Variants in GNAT1 observed in about 807,000 individuals in gnomAD.
GNAT1 encodes the protein guanine nucleotide-binding protein G(t) subunit alpha-1.
A neutral mutation model predicts 40.0 loss-of-function variants in GNAT1; 36 were observed. The observed-to-expected ratio is 0.90, with a 90% confidence interval of 0.69 to 1.19. The LOEUF is 1.19. GNAT1 is among the 50% of genes most tolerant of loss of function. GNAT1 has a pLI of 0.00. For missense variants in GNAT1, 413 were observed against 480.6 expected, an observed-to-expected ratio of 0.86 and a Z score of 1.32; for synonymous variants, 195 against 192.9, an observed-to-expected ratio of 1.01 and a Z score of -0.09.
Position 50,193,480 on chromosome 3 carries a change from A to G in GNAT1, c.292-26A>G. 6.5e-7 allele frequency: 1 copy of G among 1,543,166 alleles called. No individual in the cohort carries two copies. Among genetic ancestry groups the G allele is most frequent in the Non-Finnish European group, 8.7e-7 (1 of 1,149,672 alleles). On this transcript the variant is annotated intron_variant, in intron 3 of 8. Transcript: ENST00000232461. The surrounding 1 kb of genome is among the most constrained non-coding windows in gnomAD (Gnocchi z 8.1). ...GGCTGGGCCCGAGTCCCTGGCCGCC[A>G]CCAGCCACTCTCACCCTGCCCCCAG...
chr3:50,194,388 G>T lies in GNAT1; in HGVS notation c.709-113G>T, dbSNP rs903066143. On this transcript the variant is annotated intron_variant, in intron 6 of 8. Transcript: ENST00000232461. This position sits in a 1 kb window ranked among gnomAD's most constrained non-coding sequence, Gnocchi z 6.1. ...AGCAGGCCCATCTGGGGCAGTGCGG[G>T]GAGCCCTCTGAGAGCCAGCTGAGCG... The T allele has an allele frequency of 7.8e-6, 11 of 1,414,838 alleles. No homozygotes were observed. Among genetic ancestry groups the T allele is most frequent in the Non-Finnish European group, 8.8e-6 (9 of 1,026,108 alleles). The allele number at this position is 1,414,838 out of a possible 1,614,324, so 87.6% of individuals were successfully genotyped here.
In GNAT1 at chr3:50,193,752, G is replaced by A. The variant is rs997722318; in HGVS notation, c.450-1G>A. On this transcript the variant is annotated splice_acceptor_variant, in intron 4 of 8. Coordinates refer to ENST00000232461, the MANE Select transcript of GNAT1 (RefSeq NM_144499.3). LOFTEE classifies it high-confidence loss of function. This position sits in a 1 kb window ranked among gnomAD's most constrained non-coding sequence, Gnocchi z 8.1. Reference sequence around the variant, plus strand: ...CCCACCTACGGCCGGGTCTCGCGCAGCTACCTCTCCGACCTGGAGCGCCTG... The same window carrying A: ...CCCACCTACGGCCGGGTCTCGCGCAACTACCTCTCCGACCTGGAGCGCCTG... 6.2e-7 allele frequency: 1 copy of A among 1,609,506 alleles called. No individual in the cohort carries two copies. The highest frequency in any genetic ancestry group is 8.5e-7 in the Non-Finnish European group (1 of 1,178,588).
Position 50,191,639 on chromosome 3 carries a change from AGGGTGCCT to A in GNAT1, c.-83_-76del. 1 of 958,302 alleles carries A rather than the reference AGGGTGCCT, an allele frequency of 1.0e-6. No homozygotes were observed. The highest frequency in any genetic ancestry group is 1.7e-6 in the Non-Finnish European group (1 of 586,574). 59.4% of individuals were successfully genotyped at this position (958,302 alleles called of 1,614,324 possible). On this transcript the variant is annotated 5_prime_UTR_variant, in exon 1 of 9. Transcript: ENST00000232461. ...GATTGCAGGTCCTCCTGGGGCCAGA[AGGGTGCCT>A]GGGAGGCCAGGTTCTGGGGATCCCC...
Position 50,193,009 on chromosome 3 carries a change from C to A in GNAT1, c.107-124C>A. 1 of 920,838 alleles carries A rather than the reference C, an allele frequency of 1.1e-6. No individual in the cohort carries two copies. The highest frequency in any genetic ancestry group is 1.7e-6 in the Non-Finnish European group (1 of 590,172). The allele number at this position is 920,838 out of a possible 1,614,324, so 57.0% of individuals were successfully genotyped here. A position where few individuals can be genotyped will look rare whatever the true frequency, so the allele number is the denominator to read the frequency against. On this transcript the variant is annotated intron_variant, in intron 1 of 8. Transcript: ENST00000232461. This position sits in a 1 kb window ranked among gnomAD's most constrained non-coding sequence, Gnocchi z 8.1. Reference sequence around the variant, plus strand: ...GGTAGGTGTGGCTACGGGGTCGGGGCTGGCGCTCAGGCCTCTTCGCTGCGG... The same window carrying A: ...GGTAGGTGTGGCTACGGGGTCGGGGATGGCGCTCAGGCCTCTTCGCTGCGG...
Position 50,193,052 on chromosome 3 carries a change from G to A in GNAT1, c.107-81G>A, listed in dbSNP as rs1301121042. The A allele has an allele frequency of 6.7e-7, 1 of 1,484,098 alleles. No individual in the cohort carries two copies. The highest frequency in any genetic ancestry group is 9.3e-7 in the Non-Finnish European group (1 of 1,071,894). The allele number at this position is 1,484,098 out of a possible 1,614,324, so 91.9% of individuals were successfully genotyped here. A position where few individuals can be genotyped will look rare whatever the true frequency, so the allele number is the denominator to read the frequency against. On this transcript the variant is annotated intron_variant, in intron 1 of 8. Coordinates refer to ENST00000232461, the MANE Select transcript of GNAT1 (RefSeq NM_144499.3). This position sits in a 1 kb window ranked among gnomAD's most constrained non-coding sequence, Gnocchi z 8.1. ...CGCTGCGGGTCCACCCTGCCAACTC[G>A]GGAGGTCCCCGTCCTCCTGGCCTCC...
chr3:50,193,848 A>T lies in GNAT1; in HGVS notation c.545A>T (p.Glu182Val). The T allele has an allele frequency of 1.2e-6, 2 of 1,613,256 alleles. No homozygotes were observed. The highest frequency in any genetic ancestry group is 1.7e-6 in the Non-Finnish European group (2 of 1,179,930). ...RSRVKTTGIIETQFSFKDLNF... is the reference protein window; with the variant it reads ...RSRVKTTGIIVTQFSFKDLNF... ...CGAGTCAAGACCACTGGCATCATCGAGACGCAGTTCTCCTTCAAGGATCTC... is the reference window on the plus strand; with the variant it reads ...CGAGTCAAGACCACTGGCATCATCGTGACGCAGTTCTCCTTCAAGGATCTC... Residue 182 changes from glutamate to valine, a missense_variant, in exon 5 of 9, where the codon GAG (glutamate) becomes GTG (valine). By Grantham distance (121) the Glu-to-Val change is moderately radical. Transcript: ENST00000232461. The surrounding 1 kb of genome is among the most constrained non-coding windows in gnomAD (Gnocchi z 8.1).
chr3:50,192,690 C>T (rs755941352), intron 1 of GNAT1: 1 of 300,072 alleles, frequency 3.3e-6, no homozygotes, highest in Non-Finnish European at 6.5e-6. Context: ...CTAATTCCCT[C>T]TGAGCCTCCT....
chr3:50,196,784 C>T lies in GNAT1; in HGVS notation c.*1518C>T, dbSNP rs146349746. Among the ~76,000 whole-genome samples, 5 of 152,156 alleles carry T rather than the reference C, an allele frequency of 3.3e-5. No homozygotes were observed. Among genetic ancestry groups the T allele is most frequent in the African/African-American group, 7.2e-5 (3 of 41,494 alleles). ...GGTGGAGGCTCATTCTGGCAGGGAC[C>T]GTAGTGTCTACCAGCCCCAGAAACA... On this transcript the variant is annotated 3_prime_UTR_variant, in exon 9 of 9. Transcript: ENST00000232461.
Position 50,193,797 on chromosome 3 carries a change from C to G in GNAT1, c.494C>G (p.Pro165Arg), listed in dbSNP as rs781142235. 1.9e-6 allele frequency: 3 copies of G among 1,612,986 alleles called. No homozygotes were observed. The highest frequency in any genetic ancestry group is 2.5e-6 in the Non-Finnish European group (3 of 1,179,916). Residue 165 changes from proline to arginine, a missense_variant, in exon 5 of 9, where the codon CCC becomes CGC. Coordinates refer to ENST00000232461, the MANE Select transcript of GNAT1 (RefSeq NM_144499.3). The surrounding 1 kb of genome is among the most constrained non-coding windows in gnomAD (Gnocchi z 8.1). The part of the protein sequence containing the change: ...LERLVTPGYV[P>R]TEQDVLRSRV... ...CGCCTGGTAACCCCGGGCTACGTGCCCACCGAGCAGGACGTGCTGCGCTCG... is the reference window on the plus strand; with the variant it reads ...CGCCTGGTAACCCCGGGCTACGTGCGCACCGAGCAGGACGTGCTGCGCTCG...
Position 50,194,333 on chromosome 3 carries a change from C to A in GNAT1, c.708+112C>A. 1 of 1,445,794 alleles carries A rather than the reference C, an allele frequency of 6.9e-7. No homozygotes were observed. Among genetic ancestry groups the A allele is most frequent in the Non-Finnish European group, 9.4e-7 (1 of 1,058,356 alleles). The allele number at this position is 1,445,794 out of a possible 1,614,324, so 89.6% of individuals were successfully genotyped here. On this transcript the variant is annotated intron_variant, in intron 6 of 8. Coordinates refer to ENST00000232461, the MANE Select transcript of GNAT1 (RefSeq NM_144499.3). This position sits in a 1 kb window ranked among gnomAD's most constrained non-coding sequence, Gnocchi z 6.1. ...AGGGCACGGGAGGGGATGCCTGTCCCGGGCGGCCTGAGGAGGCCCGGAGGC... is the reference window on the plus strand; with the variant it reads ...AGGGCACGGGAGGGGATGCCTGTCCAGGGCGGCCTGAGGAGGCCCGGAGGC...
At chr3:50,192,631 G>GC in intron 1 of GNAT1, 1 of 219,756 alleles carries the variant, frequency 4.6e-6, no homozygotes, top group East Asian at 1.1e-4. Context: ...CCTCGCAGGG[G>GC]CAAGCTCAGA....
In GNAT1 at chr3:50,196,470, C is replaced by G. The variant is rs1409521467; in HGVS notation, c.*1204C>G. On this transcript the variant is annotated 3_prime_UTR_variant, in exon 9 of 9. Coordinates refer to ENST00000232461, the MANE Select transcript of GNAT1 (RefSeq NM_144499.3). ...GCAAGGCCGGGGCACAATTTGCACT[C>G]CCCTCAGCTAGACGCACAGACTCAG... The G allele has an allele frequency of 6.5e-6, 1 of 152,672 alleles. No homozygotes were observed. The highest frequency in any genetic ancestry group is 1.5e-5 in the Non-Finnish European group (1 of 68,078). 9.5% of individuals were successfully genotyped at this position (152,672 alleles called of 1,614,324 possible). A position where few individuals can be genotyped will look rare whatever the true frequency, so the allele number is the denominator to read the frequency against.
chr3:50,191,897 C>A lies in GNAT1; in HGVS notation c.106+66C>A. ...ATTGGTCTGGAGGCAGGCAGGCAGC[C>A]CTTCTGTGAAGCAAGGATTCCCTGG... On this transcript the variant is annotated intron_variant, in intron 1 of 8. Transcript: ENST00000232461. 2 of 1,042,020 alleles carry A rather than the reference C, an allele frequency of 1.9e-6. 1 individual carries two copies. The highest frequency in any genetic ancestry group is 2.6e-5 in the South Asian group (2 of 76,790). The allele number at this position is 1,042,020 out of a possible 1,614,324, so 64.5% of individuals were successfully genotyped here.
chr3:50,192,564 C>T (rs1476444412), intron 1 of GNAT1: 1 of 188,760 alleles, frequency 5.3e-6, no homozygotes, highest in East Asian at 1.3e-4. Flanking sequence ...AAGCCAGTCC[C>T]ACTTTCCCCC....
rs1209942897 is a variant in GNAT1 at position 50,194,413 on chromosome 3, G to A, written c.709-88G>A. On this transcript the variant is annotated intron_variant, in intron 6 of 8. Coordinates refer to ENST00000232461, the MANE Select transcript of GNAT1 (RefSeq NM_144499.3). This position sits in a 1 kb window ranked among gnomAD's most constrained non-coding sequence, Gnocchi z 6.1. ...GGAGCCCTCTGAGAGCCAGCTGAGC[G>A]GGAAGCCCCGCGTGCCCGGGAGCCC... 3 of 1,494,942 alleles carry A rather than the reference G, an allele frequency of 2.0e-6. No homozygotes were observed. In the East Asian group the frequency reaches 7.1e-5, roughly 35 times the overall value. 92.6% of individuals were successfully genotyped at this position (1,494,942 alleles called of 1,614,324 possible). A position where few individuals can be genotyped will look rare whatever the true frequency, so the allele number is the denominator to read the frequency against.
At position 50,191,686 on chromosome 3, in the gene GNAT1, A is replaced by G; in HGVS notation, c.-40A>G. ...CTGGGGATCCCCTCCATCCAGAAGAACCACCTGCTCACTCTGTCCCTTCGC... is the reference window on the plus strand; with the variant it reads ...CTGGGGATCCCCTCCATCCAGAAGAGCCACCTGCTCACTCTGTCCCTTCGC... On this transcript the variant is annotated 5_prime_UTR_variant, in exon 1 of 9. Transcript: ENST00000232461. The G allele has an allele frequency of 6.8e-7, 1 of 1,464,878 alleles. No homozygotes were observed. The highest frequency in any genetic ancestry group is 9.6e-7 in the Non-Finnish European group (1 of 1,044,074). The allele number at this position is 1,464,878 out of a possible 1,614,324, so 90.7% of individuals were successfully genotyped here.
rs1699446938 is a variant in GNAT1, at chr3:50,193,481, C to T, written c.292-25C>T. On this transcript the variant is annotated intron_variant, in intron 3 of 8. Transcript: ENST00000232461. The surrounding 1 kb of genome is among the most constrained non-coding windows in gnomAD (Gnocchi z 8.1). ...GCTGGGCCCGAGTCCCTGGCCGCCA[C>T]CAGCCACTCTCACCCTGCCCCCAGG... The T allele has an allele frequency of 1.2e-6, 2 of 1,612,594 alleles. No homozygotes were observed. The highest frequency in any genetic ancestry group is 2.2e-5 in the East Asian group (1 of 44,824).
rs775868059 is a variant in GNAT1 at position 50,194,460 on chromosome 3, G to C, written c.709-41G>C. ...GCCCAGAGAGCAGGTGCTGCGGGTC[G>C]GACGCTACCCCGGGTGCCCAACAGC... On this transcript the variant is annotated intron_variant, in intron 6 of 8. Coordinates refer to ENST00000232461, the MANE Select transcript of GNAT1 (RefSeq NM_144499.3). This position sits in a 1 kb window ranked among gnomAD's most constrained non-coding sequence, Gnocchi z 6.1. The C allele has an allele frequency of 6.2e-7, 1 of 1,607,686 alleles. No individual in the cohort carries two copies. Among genetic ancestry groups the C allele is most frequent in the Admixed American group, 1.7e-5 (1 of 59,844 alleles).
At position 50,193,211 on chromosome 3, in the gene GNAT1, T is replaced by TGGGTCC. The variant is rs781505899; in HGVS notation, c.149+37_149+42dup. 3.3e-5 allele frequency: 54 copies of TGGGTCC among 1,613,862 alleles called. No homozygotes were observed. The highest frequency in any genetic ancestry group is 4.3e-5 in the Non-Finnish European group (51 of 1,179,834). On this transcript the variant is annotated intron_variant, in intron 2 of 8. Coordinates refer to ENST00000232461, the MANE Select transcript of GNAT1 (RefSeq NM_144499.3). The surrounding 1 kb of genome is among the most constrained non-coding windows in gnomAD (Gnocchi z 8.1). Reference sequence around the variant, plus strand: ...CTGCCTGTCCCGAGGCCCCTGGGTCTGGGTCCTTCCCCACTTCCCCACGAG... The same window carrying TGGGTCC: ...CTGCCTGTCCCGAGGCCCCTGGGTCTGGGTCCGGGTCCTTCCCCACTTCCCCACGAG...
Sources: gnomAD v4.1 joint callset for allele counts (sites outside exome capture counted in the v4.1 genomes callset) on GRCh38, gnomAD v4.1.1 for gene constraint, Gnocchi (gnomAD v3.1) non-coding constraint, MANE v1.5 for transcripts, NCBI Gene and HGNC (gene_info 2026-07-23, HGNC 2026-07-21) for gene names.